IFI27L1: variants seen among roughly 807,000 people sequenced by gnomAD.
IFI27L1 encodes interferon alpha inducible protein 27 like 1, also known as interferon alpha-inducible protein 27-like protein 1.
IFI27L1 carries 3 observed loss-of-function variants against 9.2 expected under a neutral mutation model. The observed-to-expected ratio is 0.32, with a 90% confidence interval of 0.15 to 0.84. The LOEUF (loss-of-function observed/expected upper bound fraction) is 0.84. Ranked by LOEUF, IFI27L1 falls within the 40% of genes least tolerant of loss-of-function variation. The pLI, the probability that IFI27L1 is intolerant of heterozygous loss-of-function variation, is 0.56. For synonymous variants in IFI27L1, 53 were observed against 50.0 expected (o/e 1.06, Z -0.26); for missense variants, 133 against 134.2 (o/e 0.99, Z 0.05).
Position 94,092,041 on chromosome 14 carries a change from G to T in IFI27L1, c.-51-4846G>T, listed in dbSNP as rs557284918. Among the ~76,000 whole-genome samples, 20 of 151,558 alleles carry T rather than the reference G, an allele frequency of 1.3e-4. No homozygotes were observed. In the South Asian group the frequency reaches 4.2e-3, roughly 32 times the overall value. On this transcript the variant is annotated intron_variant, in intron 1 of 4. Transcript: ENST00000555523. The stretch of plus-strand genomic sequence containing the variant: ...CTTGGGAGGCTGAGTCAGGAGAATC[G>T]CTTGAACCTGGGCAGTGGAGGTTGC...
intron 2 of IFI27L1, chr14:94,100,390 C>T: frequency 1.0e-6 from 1 of 985,406 alleles, no homozygotes; most frequent in Middle Eastern, 5.2e-4. Context: ...AGTCCCTGCC[C>T]CCGTGGCAGC....
chr14:94,083,836 T>A (rs1886191638), intron 1 of IFI27L1, among the ~76,000 whole-genome samples: 1 of 152,174 alleles, frequency 6.6e-6, no homozygotes, highest in South Asian at 2.1e-4. Context: ...ATCCCTGTAG[T>A]CCCAGCTATC....
intron 1 of IFI27L1, among the ~76,000 whole-genome samples, chr14:94,095,674 C>T (rs1183489344): frequency 6.6e-6 from 1 of 152,070 alleles, no homozygotes; most frequent in Non-Finnish European, 1.5e-5. Flanking sequence ...TACCAGCCTC[C>T]TTTAAACAAC....
At chr14:94,100,858 C>T (rs1886869419) in intron 3 of IFI27L1, 87 bp downstream of exon 3, 5 of 1,424,582 alleles carry the variant, frequency 3.5e-6, no homozygotes, top group Admixed American at 3.3e-5. Flanking sequence ...TTTGACCAAA[C>T]CCAGGATTCT....
At position 94,101,959 on chromosome 14, in the gene IFI27L1, T is replaced by C. The variant is rs371073384; in HGVS notation, c.207T>C (p.Ala69=). 8.1e-5 allele frequency: 131 copies of C among 1,614,128 alleles called. No individual in the cohort carries two copies. Among genetic ancestry groups the C allele is most frequent in the Middle Eastern group, 1.6e-4 (1 of 6,084 alleles). The change falls in exon 4 of 5, where the codon GCT becomes GCC. Residue 69 remains alanine (A), a synonymous_variant. Transcript: ENST00000555523. ...GGGVAAGSLV[A]ILQSVGAAGL... is the part of the protein sequence containing the mutation. Reference sequence around the variant, plus strand: ...GAGTTGCTGCTGGCAGTCTGGTGGCTATTCTGCAGTCAGTGGGTGAGTGTT... The same window carrying C: ...GAGTTGCTGCTGGCAGTCTGGTGGCCATTCTGCAGTCAGTGGGTGAGTGTT...
chr14:94,096,173 G>A (rs576688029), intron 1 of IFI27L1, among the ~76,000 whole-genome samples: 14 of 152,270 alleles, frequency 9.2e-5, no homozygotes, highest in African/African-American at 1.2e-4. Flanking sequence ...AGTTTAGGGC[G>A]AGGCAGAAGC....
intron 1 of IFI27L1, among the ~76,000 whole-genome samples, chr14:94,087,945 C>T (rs542044554): frequency 2.0e-5 from 3 of 152,342 alleles, no homozygotes; most frequent in African/African-American, 4.8e-5. Context: ...CCATACCCAG[C>T]AGTGAATGAG....
intron 1 of IFI27L1, among the ~76,000 whole-genome samples, chr14:94,087,169 A>G (rs963591915): frequency 2.6e-5 from 4 of 152,226 alleles, no homozygotes. Context: ...TTTACAAATA[A>G]TAATAATAAC....
At chr14:94,086,387 A>G (rs1886281230) in intron 1 of IFI27L1, among the ~76,000 whole-genome samples, 1 of 152,222 alleles carries the variant, frequency 6.6e-6, no homozygotes, top group Non-Finnish European at 1.5e-5. Context: ...ATATTTCTTT[A>G]TAGCAATACA....
chr14:94,101,995 T>C lies in IFI27L1; in HGVS notation c.223+20T>C, dbSNP rs958574000. 6.2e-7 allele frequency: 1 copy of C among 1,614,140 alleles called. No individual in the cohort carries two copies. On this transcript the variant is annotated intron_variant, in intron 4 of 4. Coordinates refer to ENST00000555523, the MANE Select transcript of IFI27L1 (RefSeq NM_206949.3). ...CAGTGGGTGAGTGTTCTGGACAGGA[T>C]GACCAGAGCCAGGAGATGATCCAGC... is the stretch of plus-strand genomic sequence containing the variant.
intron 1 of IFI27L1, among the ~76,000 whole-genome samples, chr14:94,090,505 G>A (rs976886334): frequency 3.3e-5 from 5 of 152,162 alleles, no homozygotes; most frequent in Non-Finnish European, 5.9e-5. Context: ...TCCATGAAAG[G>A]AATCTCAGAT....
In IFI27L1 at chr14:94,102,360, G is replaced by C. The variant is rs1040502671; in HGVS notation, c.224-117G>C. On this transcript the variant is annotated intron_variant, in intron 4 of 4. Coordinates refer to ENST00000555523, the MANE Select transcript of IFI27L1 (RefSeq NM_206949.3). Reference sequence around the variant, plus strand: ...TTTTAGGAAGCAGAGGTGGGGAACAGGGTTGGACTGCCTGGGCCTCAGGTC... The same window carrying C: ...TTTTAGGAAGCAGAGGTGGGGAACACGGTTGGACTGCCTGGGCCTCAGGTC... 1.8e-4 allele frequency: 115 copies of C among 627,734 alleles called. No individual in the cohort carries two copies. The African/African-American group carries it at 2.0e-3, about 11-fold the overall frequency. The allele number at this position is 627,734 out of a possible 1,614,324, so 38.9% of individuals were successfully genotyped here.
intron 2 of IFI27L1, chr14:94,097,565 CAG>C (rs1886717390): frequency 1.3e-5 from 9 of 698,046 alleles, no homozygotes; most frequent in Non-Finnish European, 2.3e-5. Context: ...AGAGCAGAGG[CAG>C]AGAGACAAGT....
chr14:94,099,560 C>G lies in IFI27L1; in HGVS notation c.29-1179C>G, dbSNP rs28600739. Among the ~76,000 whole-genome samples, 1,366 of 152,176 alleles carry G rather than the reference C, an allele frequency of 9.0e-3. 15 individuals carry two copies. Among genetic ancestry groups the G allele is most frequent in the African/African-American group, 0.031 (1,293 of 41,494 alleles). On this transcript the variant is annotated intron_variant, in intron 2 of 4. Coordinates refer to ENST00000555523, the MANE Select transcript of IFI27L1 (RefSeq NM_206949.3). ...AAGCTAGAAGGAGGCACAGGAGGAC[C>G]CTCCCTGAGAGGCTTCAGAGAGAGC...
intron 1 of IFI27L1, among the ~76,000 whole-genome samples, chr14:94,087,461 C>T (rs1886318025): frequency 6.6e-6 from 1 of 152,198 alleles, no homozygotes. Flanking sequence ...GAGTCTCACT[C>T]TGTCACGCAG....
chr14:94,095,310 T>C (rs913852313), intron 1 of IFI27L1, among the ~76,000 whole-genome samples: 1 of 151,986 alleles, frequency 6.6e-6, no homozygotes, highest in African/African-American at 2.4e-5. Flanking sequence ...TAACTGGGAT[T>C]ATAGGTGCCA....
chr14:94,095,528 T>C (rs1886636129), intron 1 of IFI27L1, among the ~76,000 whole-genome samples: 1 of 152,198 alleles, frequency 6.6e-6, no homozygotes, highest in Non-Finnish European at 1.5e-5. Context: ...GGCATGGTTC[T>C]GTAGGTTATA....
intron 1 of IFI27L1, among the ~76,000 whole-genome samples, chr14:94,092,140 A>C (rs555290067): frequency 6.6e-6 from 1 of 151,704 alleles, no homozygotes. Flanking sequence ...AAATAAAAAA[A>C]AAAAAAGAAA....
At chr14:94,086,619 C>T (rs1464231825) in intron 1 of IFI27L1, among the ~76,000 whole-genome samples, 1 of 152,150 alleles carries the variant, frequency 6.6e-6, no homozygotes, top group African/African-American at 2.4e-5. Flanking sequence ...TATAATGTCA[C>T]CCCAAACCAG....
Sources: gnomAD v4.1 joint callset for allele counts (sites outside exome capture counted in the v4.1 genomes callset) on GRCh38, gnomAD v4.1.1 for gene constraint, MANE v1.5 for transcripts, NCBI Gene and HGNC (gene_info 2026-07-23, HGNC 2026-07-21) for gene names.